Variants in ABCC4 observed in about 807,000 individuals in gnomAD.
ABCC4 encodes ATP-binding cassette sub-family C member 4.
Under a neutral mutation model 168.5 loss-of-function variants are expected in ABCC4, and 102 were observed. The ratio of observed to expected loss-of-function variants is 0.61; its 90% CI spans 0.52 to 0.71. The LOEUF is 0.71. ABCC4 is among the 30% of genes least tolerant of loss of function. The pLI is 0.00. For missense variants in ABCC4, 1,402 were observed against 1,605.8 expected (o/e 0.87, Z 2.17); for synonymous variants, 617 against 590.7 (o/e 1.04, Z -0.65).
rs1213325849 is a variant in ABCC4 at position 95,273,890 on chromosome 13, A to T, written c.75-26137T>A. On this transcript the variant is annotated intron_variant, in intron 1 of 30. Coordinates refer to ENST00000645237, the MANE Select transcript of ABCC4 (RefSeq NM_005845.5). Reference sequence around the variant, plus strand: ...GAATGCAGTGGCGCGATCTAGGCTCACTGCAGGCTCCGCCCCCCGGGGTTC... The same window carrying T: ...GAATGCAGTGGCGCGATCTAGGCTCTCTGCAGGCTCCGCCCCCCGGGGTTC... Among the ~76,000 whole-genome samples, 9 of 140,752 alleles carry T rather than the reference A, an allele frequency of 6.4e-5. No individual in the cohort carries two copies. In the East Asian group the frequency reaches 1.8e-3, roughly 29 times the overall value. The allele number at this position is 140,752 out of a possible 152,430, so 92.3% of individuals were successfully genotyped here.
At chr13:95,109,439 T>C (rs2035126470) in intron 20 of ABCC4, among the ~76,000 whole-genome samples, 1 of 151,226 alleles carries the variant, frequency 6.6e-6, no homozygotes, top group Non-Finnish European at 1.5e-5. Context: ...CAGTCTGGCA[T>C]GCACATAGTT....
At chr13:95,201,463 T>C (rs975535708) in intron 8 of ABCC4, among the ~76,000 whole-genome samples, 11 of 152,142 alleles carry the variant, frequency 7.2e-5, no homozygotes, top group African/African-American at 1.2e-4. Flanking sequence ...CCAAATCTCA[T>C]AGATGTAATG....
At chr13:95,148,060 C>A (rs368127713) in intron 19 of ABCC4, among the ~76,000 whole-genome samples, 2 of 152,232 alleles carry the variant, frequency 1.3e-5, no homozygotes, top group Admixed American at 1.3e-4. Context: ...AACACAGACA[C>A]CCTTCCCAGA....
chr13:95,235,610 T>C (rs1211835775), intron 3 of ABCC4, among the ~76,000 whole-genome samples: 4 of 152,200 alleles, frequency 2.6e-5, no homozygotes, highest in African/African-American at 7.2e-5. Flanking sequence ...ATGGAGATAT[T>C]GGCACAAACC....
intron 8 of ABCC4, among the ~76,000 whole-genome samples, chr13:95,206,132 C>A (rs1025268374): frequency 6.6e-6 from 1 of 152,270 alleles, no homozygotes; most frequent in South Asian, 2.1e-4. Flanking sequence ...GAAGCAGAGA[C>A]CCCCAGCAAG....
chr13:95,277,649 G>T (rs1193428554), intron 1 of ABCC4, among the ~76,000 whole-genome samples: 1 of 152,064 alleles, frequency 6.6e-6, no homozygotes, highest in African/African-American at 2.4e-5. Flanking sequence ...ACTCTAGATG[G>T]GTGGTCAAGG....
chr13:95,176,234 G>GT (rs1594238444), intron 13 of ABCC4, among the ~76,000 whole-genome samples: 1 of 60,318 alleles, frequency 1.7e-5, no homozygotes, highest in Non-Finnish European at 4.7e-5. Context: ...AGGGGGGGGG[G>GT]GGGGGGGGGG....
chr13:95,180,155 C>T (rs2139601764), intron 11 of ABCC4, among the ~76,000 whole-genome samples: 1 of 152,312 alleles, frequency 6.6e-6, no homozygotes, highest in African/African-American at 2.4e-5. Context: ...AACCAGATGG[C>T]ATCAAATGAA....
chr13:95,125,291 T>G (rs2035718164), intron 19 of ABCC4, among the ~76,000 whole-genome samples: 1 of 152,142 alleles, frequency 6.6e-6, no homozygotes, highest in Non-Finnish European at 1.5e-5. Flanking sequence ...AGCCAATAAA[T>G]TTCCAGGCAG....
Position 95,083,249 on chromosome 13 carries a change from G to A in ABCC4, c.2577C>T (p.Ala859=), listed in dbSNP as rs11568691. 1.1e-5 allele frequency: 18 copies of A among 1,613,754 alleles called. No homozygotes were observed. Among genetic ancestry groups the A allele is most frequent in the Admixed American group, 6.7e-5 (4 of 59,978 alleles). The change falls in exon 21 of 31, where the codon GCC becomes GCT. Residue 859 remains alanine (A), a synonymous_variant. Coordinates refer to ENST00000645237, the MANE Select transcript of ABCC4 (RefSeq NM_005845.5). ...AGGGTATTGCGATCCAAGGAATCAC[G>A]GCCACAGCCACAGAGACCACACCAA... ...QVVGVVSVAV[A]VIPWIAIPLV...
intron 19 of ABCC4, among the ~76,000 whole-genome samples, chr13:95,127,259 T>G (rs1237762658): frequency 6.6e-6 from 1 of 152,146 alleles, no homozygotes; most frequent in African/African-American, 2.4e-5. Context: ...GAGATATTTA[T>G]GTATGCTGGC....
Position 95,177,690 on chromosome 13 carries a change from G to A in ABCC4, c.1727+17C>T. 1.9e-6 allele frequency: 3 copies of A among 1,596,756 alleles called. No individual in the cohort carries two copies. Among genetic ancestry groups the A allele is most frequent in the Non-Finnish European group, 2.6e-6 (3 of 1,168,160 alleles). On this transcript the variant is annotated intron_variant, in intron 13 of 30. Transcript: ENST00000645237. The stretch of plus-strand genomic sequence containing the variant: ...CTCTGGAAAAGCAGAAATGACTTAA[G>A]ACACAAACACACTCACAGTTCGAAC...
At chr13:95,050,317 CTTG>C (rs940701384) in intron 27 of ABCC4, among the ~76,000 whole-genome samples, 4 of 152,200 alleles carry the variant, frequency 2.6e-5, no homozygotes, top group African/African-American at 7.2e-5. Context: ...AGTCATGAAA[CTTG>C]TTGTGAAAAA....
chr13:95,198,557 T>C (rs1004612830), intron 8 of ABCC4, among the ~76,000 whole-genome samples: 1 of 152,140 alleles, frequency 6.6e-6, no homozygotes, highest in Non-Finnish European at 1.5e-5. Context: ...TGGCAATTCC[T>C]CAAGGAACTA....
intron 22 of ABCC4, 34 bp downstream of exon 22, chr13:95,075,398 T>C (rs566847898): frequency 1.2e-6 from 2 of 1,613,566 alleles, no homozygotes; most frequent in Admixed American, 1.7e-5. Context: ...CAGCAGATCC[T>C]GTCCTTTGAA....
chr13:95,271,012 G>A (rs1051037038), intron 1 of ABCC4, among the ~76,000 whole-genome samples: 16 of 152,130 alleles, frequency 1.1e-4, no homozygotes, highest in Admixed American at 2.0e-4. Flanking sequence ...GGAGAATGGC[G>A]TGAACCTGGG....
intron 4 of ABCC4, among the ~76,000 whole-genome samples, chr13:95,226,141 AATTACTTCATCT>A (rs1278310152): frequency 1.1e-4 from 1 of 9,498 alleles, no homozygotes; most frequent in Admixed American, 1.0e-3. Flanking sequence ...CCAACAGGGC[AATTACTTCATCT>A]GGAATTACTT....
At chr13:95,210,828 T>C in intron 4 of ABCC4, 47 bp from the exon 5 acceptor site, 1 of 1,444,148 alleles carries the variant, frequency 6.9e-7, no homozygotes, top group Non-Finnish European at 9.7e-7. Flanking sequence ...GCAGTGATAC[T>C]AAGTCAGGCT....
At chr13:95,133,538 C>T (rs2036045550) in intron 19 of ABCC4, among the ~76,000 whole-genome samples, 1 of 152,136 alleles carries the variant, frequency 6.6e-6, no homozygotes, top group Admixed American at 6.5e-5. Context: ...CACTCAGCAC[C>T]CAATTTGCCT....
Sources: gnomAD v4.1 joint callset for allele counts (sites outside exome capture counted in the v4.1 genomes callset) on GRCh38, gnomAD v4.1.1 for gene constraint, MANE v1.5 for transcripts, NCBI Gene and HGNC (gene_info 2026-07-23, HGNC 2026-07-21) for gene names.